The following ARHGEF10L variants were observed in gnomAD, a reference collection of about 807,000 sequenced individuals.
The protein encoded by ARHGEF10L is rho guanine nucleotide exchange factor 10-like protein.
ARHGEF10L carries 69 observed loss-of-function variants against 141.2 expected under a neutral mutation model. The ratio of observed to expected loss-of-function variants is 0.49; its 90% confidence interval spans 0.40 to 0.60. The LOEUF (loss-of-function observed/expected upper bound fraction) is 0.60, where lower values mean the gene tolerates loss of function less well. Ranked by LOEUF, ARHGEF10L falls within the 20% of genes least tolerant of loss-of-function variation. ARHGEF10L has a pLI of 0.00. For missense variants in ARHGEF10L, 1,482 were observed against 1,734.3 expected (o/e 0.85, Z 2.58); for synonymous variants, 711 against 718.5 (o/e 0.99, Z 0.17).
At chr1:17,692,718 G>A (rs577117660) in intron 27 of ARHGEF10L, among the ~76,000 whole-genome samples, 1 of 152,320 alleles carries the variant, frequency 6.6e-6, no homozygotes, top group Non-Finnish European at 1.5e-5. Context: ...ATCACGTCAC[G>A]CTACTCCCCT....
Position 17,697,380 on chromosome 1 carries a change from G to A in ARHGEF10L, c.3840G>A (p.Ter1280=). ...TCTGGCAGGTGCCCTTGATGCTATA[G>A]CGCCTCCCCTCTCCCCTCAGAGGGC... ...LLIWQVPLML[*] The change falls in exon 29 of 29, where the codon TAG becomes TAA. Residue 1280 remains the stop codon, a stop_retained_variant. Transcript: ENST00000361221. This position sits in a 1 kb window ranked among gnomAD's most constrained non-coding sequence, Gnocchi z 4.8. 2 of 1,583,092 alleles carry A rather than the reference G, an allele frequency of 1.3e-6. No homozygotes were observed. Among genetic ancestry groups the A allele is most frequent in the Non-Finnish European group, 1.7e-6 (2 of 1,161,910 alleles).
At chr1:17,670,252 C>T (rs1324208675) in intron 26 of ARHGEF10L, among the ~76,000 whole-genome samples, 4 of 152,236 alleles carry the variant, frequency 2.6e-5, no homozygotes, top group Admixed American at 6.5e-5. Context: ...TTTTGTGCCA[C>T]CATCCCCTGC....
intron 19 of ARHGEF10L, 70 bp from the exon 20 acceptor site, chr1:17,638,492 A>G (rs1029508339): frequency 2.9e-4 from 461 of 1,598,208 alleles, no homozygotes; most frequent in Non-Finnish European, 3.7e-4. Context: ...TGTGATTCCT[A>G]TAGGATCTGG....
At position 17,658,813 on chromosome 1, in the gene ARHGEF10L, A is replaced by G. The variant is rs113822041; in HGVS notation, c.2860+2105A>G. 8.4e-3 allele frequency among the ~76,000 whole-genome samples: 1,274 copies of G among 151,808 alleles called. 18 individuals carry two copies. The highest frequency in any genetic ancestry group is 0.03 in the African/African-American group (1,235 of 41,414). ...GTGTTGTGTGAGAGCCTCACTGCCC[A>G]AGTGTGGGGCAAGCTGTGCTGCAAA... On this transcript the variant is annotated intron_variant, in intron 25 of 28. Coordinates refer to ENST00000361221, the MANE Select transcript of ARHGEF10L (RefSeq NM_018125.4).
chr1:17,548,213 A>G (rs1436732287), intron 1 of ARHGEF10L, among the ~76,000 whole-genome samples: 1 of 152,172 alleles, frequency 6.6e-6, no homozygotes, highest in African/African-American at 2.4e-5. Flanking sequence ...AATTAAACTG[A>G]CAAAAGACAG....
Position 17,680,761 on chromosome 1 carries a change from A to T in ARHGEF10L, c.3010-6812A>T, listed in dbSNP as rs776147715. Among the ~76,000 whole-genome samples, 620 of 141,426 alleles carry T rather than the reference A, an allele frequency of 4.4e-3. 1 individual carries two copies. Among genetic ancestry groups the T allele is most frequent in the Non-Finnish European group, 6.6e-3 (426 of 64,952 alleles). 92.8% of individuals were successfully genotyped at this position (141,426 alleles called of 152,430 possible). On this transcript the variant is annotated intron_variant, in intron 26 of 28. Coordinates refer to ENST00000361221, the MANE Select transcript of ARHGEF10L (RefSeq NM_018125.4). ...CTGCCAGCTTTTTTTTTTTTTTTTT[A>T]AATTACTTTGCCTTTTCTCCCATAA...
chr1:17,667,948 G>A (rs527613591), intron 26 of ARHGEF10L, among the ~76,000 whole-genome samples: 20 of 152,334 alleles, frequency 1.3e-4, no homozygotes, highest in Middle Eastern at 3.4e-3. Flanking sequence ...TTGGAGAGCA[G>A]GCTGCTTCAG....
intron 5 of ARHGEF10L, 53 bp downstream of exon 5, chr1:17,602,271 T>C: frequency 6.5e-7 from 1 of 1,528,580 alleles, no homozygotes; most frequent in East Asian, 2.5e-5. Context: ...CTCCAGGATA[T>C]TCTAGTCTTT....
At chr1:17,628,750 G>A (rs11590379) in intron 15 of ARHGEF10L, among the ~76,000 whole-genome samples, 68 of 152,318 alleles carry the variant, frequency 4.5e-4, no homozygotes, top group Middle Eastern at 3.4e-3. Context: ...TCAGCAGCAC[G>A]GGGTAGACCT....
intron 26 of ARHGEF10L, among the ~76,000 whole-genome samples, chr1:17,686,275 GT>G (rs1290582245): frequency 6.6e-6 from 1 of 152,092 alleles, no homozygotes; most frequent in Non-Finnish European, 1.5e-5. Flanking sequence ...CTGTGCCTGA[GT>G]TAGTGACATC....
chr1:17,580,725 G>T, intron 2 of ARHGEF10L, 93 bp downstream of exon 2: 1 of 1,497,038 alleles, frequency 6.7e-7, no homozygotes, highest in Non-Finnish European at 9.2e-7. Context: ...GCAGCATGGC[G>T]CCGGGTGGGA....
At chr1:17,537,223 A>G (rs928580104), upstream of ARHGEF10L, among the ~76,000 whole-genome samples, 2 of 152,150 alleles carry the variant, frequency 1.3e-5, no homozygotes, top group African/African-American at 4.8e-5. Context: ...GAAATCTCCC[A>G]ATGATTAAAT....
intron 25 of ARHGEF10L, among the ~76,000 whole-genome samples, chr1:17,660,976 CAG>C (rs1354141550): frequency 1.3e-5 from 2 of 152,188 alleles, no homozygotes; most frequent in Admixed American, 6.5e-5. Flanking sequence ...TCTCAGAGGA[CAG>C]AGTTTTGTCC....
In ARHGEF10L at chr1:17,663,125, G is replaced by A. The variant is rs11579572; in HGVS notation, c.2861-1322G>A. ...CTGAGAAGAAACAATCTTGGCGCGC[G>A]CCGCTTGGATGCCGGAGAAAATGGT... On this transcript the variant is annotated intron_variant, in intron 25 of 28. Coordinates refer to ENST00000361221, the MANE Select transcript of ARHGEF10L (RefSeq NM_018125.4). Among the ~76,000 whole-genome samples, 195 of 152,298 alleles carry A rather than the reference G, an allele frequency of 1.3e-3. 2 individuals are homozygous for A. Among genetic ancestry groups the A allele is most frequent in the African/African-American group, 1.8e-3 (76 of 41,562 alleles).
At chr1:17,577,626 C>T (rs992435812) in intron 1 of ARHGEF10L, among the ~76,000 whole-genome samples, 6 of 152,204 alleles carry the variant, frequency 3.9e-5, no homozygotes, top group South Asian at 2.1e-4. Flanking sequence ...GCTGCGTCCT[C>T]GTCCCGACAC....
chr1:17,697,594 T>A lies in ARHGEF10L; in HGVS notation c.*214T>A. The A allele has an allele frequency of 1.5e-6, 1 of 689,624 alleles. No individual in the cohort carries two copies. The highest frequency in any genetic ancestry group is 2.6e-6 in the Non-Finnish European group (1 of 384,438). 42.7% of individuals were successfully genotyped at this position (689,624 alleles called of 1,614,324 possible). A position where few individuals can be genotyped will look rare whatever the true frequency, so the allele number is the denominator to read the frequency against. ...GGCTTGGGGAGAGGGAGGACACATC[T>A]GGAGGAAATGGCCTTCTTTTTAAAA... is the stretch of plus-strand genomic sequence containing the variant. On this transcript the variant is annotated 3_prime_UTR_variant, in exon 29 of 29. Coordinates refer to ENST00000361221, the MANE Select transcript of ARHGEF10L (RefSeq NM_018125.4). This position sits in a 1 kb window ranked among gnomAD's most constrained non-coding sequence, Gnocchi z 4.8.
At chr1:17,567,168 C>A (rs1287270753) in intron 1 of ARHGEF10L, among the ~76,000 whole-genome samples, 1 of 152,224 alleles carries the variant, frequency 6.6e-6, no homozygotes, top group African/African-American at 2.4e-5. Flanking sequence ...ATCCGTGCAT[C>A]CGCCCCTCCA....
chr1:17,581,328 AAAAAG>A (rs1203476956), intron 2 of ARHGEF10L, among the ~76,000 whole-genome samples: 11 of 151,010 alleles, frequency 7.3e-5, no homozygotes, highest in African/African-American at 2.7e-4. Flanking sequence ...AAAAAAAAAA[AAAAAG>A]AAAAGAGAAA....
chr1:17,635,780 A>T (rs2060963039), intron 18 of ARHGEF10L, among the ~76,000 whole-genome samples: 1 of 152,172 alleles, frequency 6.6e-6, no homozygotes, highest in Non-Finnish European at 1.5e-5. Flanking sequence ...TACGGTGGGC[A>T]TTAATAAGTG....
Sources: gnomAD v4.1 joint callset for allele counts (sites outside exome capture counted in the v4.1 genomes callset) on GRCh38, gnomAD v4.1.1 for gene constraint, Gnocchi (gnomAD v3.1) non-coding constraint, MANE v1.5 for transcripts, NCBI Gene and HGNC (gene_info 2026-07-23, HGNC 2026-07-21) for gene names.